The following RNF125 variants were observed in gnomAD, a reference collection of about 807,000 sequenced individuals.
RNF125 encodes ring finger protein 125.
In RNF125, 21 loss-of-function variants were observed where a neutral mutation model predicts 26.0. The observed-to-expected ratio is 0.81, with a 90% confidence interval of 0.57 to 1.16. The LOEUF is 1.16. Ranked by LOEUF, RNF125 falls within the 50% of genes most tolerant of loss-of-function variation. RNF125 has a pLI of 0.00. For missense variants in RNF125, 270 were observed against 299.4 expected, an observed-to-expected ratio of 0.90 and a Z score of 0.72; for synonymous variants, 95 against 109.2, an observed-to-expected ratio of 0.87 and a Z score of 0.81.
intron 4 of RNF125, among the ~76,000 whole-genome samples, chr18:32,050,934 C>G (rs539684928): frequency 5.8e-4 from 65 of 111,424 alleles, no homozygotes; most frequent in South Asian, 3.2e-3. Flanking sequence ...GTTGCCCAGG[C>G]TGAGTCTCGA....
At chr18:32,075,002 C>A (rs1049500375), downstream of RNF125, among the ~76,000 whole-genome samples, 1 of 152,166 alleles carries the variant, frequency 6.6e-6, no homozygotes, top group Non-Finnish European at 1.5e-5. Flanking sequence ...CTGTCCCTTA[C>A]AACAGTATTT....
intron 4 of RNF125, among the ~76,000 whole-genome samples, chr18:32,053,311 G>A (rs1193783569): frequency 6.6e-6 from 1 of 152,024 alleles, no homozygotes. Flanking sequence ...GTAGTGAGCC[G>A]AGATTGTGCC....
chr18:32,074,441 A>G (rs1397703720), downstream of RNF125, among the ~76,000 whole-genome samples: 2 of 152,220 alleles, frequency 1.3e-5, no homozygotes, highest in Non-Finnish European at 2.9e-5. Context: ...CAGGGTAAAG[A>G]CATTAAAAAT....
chr18:32,054,404 T>C (rs1312892813), intron 4 of RNF125, among the ~76,000 whole-genome samples: 1 of 152,212 alleles, frequency 6.6e-6, no homozygotes, highest in Non-Finnish European at 1.5e-5. Context: ...GTACATTTTA[T>C]GTATTCTCAG....
At position 32,069,962 on chromosome 18, in the gene RNF125, G is replaced by A. The variant is rs899263287; in HGVS notation, c.*1578G>A. On this transcript the variant is annotated 3_prime_UTR_variant, in exon 6 of 6. Coordinates refer to ENST00000217740, the MANE Select transcript of RNF125 (RefSeq NM_017831.4). ...GCACATTGAATTTGAGAAGACTTAG[G>A]TTCAGTCCTTTGGCAAGACTGTAAA... 2.0e-5 allele frequency: 3 copies of A among 151,944 alleles called. No individual in the cohort carries two copies. The highest frequency in any genetic ancestry group is 6.6e-5 in the Admixed American group (1 of 15,220). 9.4% of individuals were successfully genotyped at this position (151,944 alleles called of 1,614,324 possible). A position where few individuals can be genotyped will look rare whatever the true frequency, so the allele number is the denominator to read the frequency against.
At chr18:32,053,583 C>T (rs765691110) in intron 4 of RNF125, among the ~76,000 whole-genome samples, 6 of 151,976 alleles carry the variant, frequency 3.9e-5, no homozygotes, top group South Asian at 2.1e-4. Flanking sequence ...GTCAGGAGTT[C>T]GAGACCAGCC....
chr18:32,061,067 C>T (rs931913753), intron 4 of RNF125, among the ~76,000 whole-genome samples: 1 of 152,206 alleles, frequency 6.6e-6, no homozygotes, highest in South Asian at 2.1e-4. Context: ...CTCTGGCGCC[C>T]AGGCTGGAGT....
chr18:32,026,324 C>A (rs1356818229), intron 1 of RNF125, among the ~76,000 whole-genome samples: 1 of 143,488 alleles, frequency 7.0e-6, no homozygotes, highest in East Asian at 2.2e-4. Context: ...TCTGGGCTCA[C>A]TGCAACCTCT....
At chr18:32,085,635 G>T in the RNF125 span, among the ~76,000 whole-genome samples, 1 of 142,648 alleles carries the variant, frequency 7.0e-6, no homozygotes, top group Non-Finnish European at 1.5e-5. Context: ...TGGGGGTGGA[G>T]GTTGCAGTGA....
At chr18:32,087,433 C>A in the RNF125 span, among the ~76,000 whole-genome samples, 1 of 151,594 alleles carries the variant, frequency 6.6e-6, no homozygotes, top group Admixed American at 6.6e-5. Context: ...GGTATGGAAG[C>A]CAGTCTTGGG....
At chr18:32,079,215 A>G in the RNF125 span, among the ~76,000 whole-genome samples, 178 of 152,270 alleles carry the variant, frequency 1.2e-3, no homozygotes, top group Non-Finnish European at 2.1e-3. Context: ...GCGTCCTTAC[A>G]TGGTGGGGAG....
Position 32,031,346 on chromosome 18 carries a change from A to G in RNF125, c.165-5770A>G, listed in dbSNP as rs1598810232. 2.0e-5 allele frequency: 3 copies of G among 152,092 alleles called. No individual in the cohort carries two copies. In the East Asian group the frequency reaches 5.8e-4, roughly 29 times the overall value. 9.4% of individuals were successfully genotyped at this position (152,092 alleles called of 1,614,324 possible). A position where few individuals can be genotyped will look rare whatever the true frequency, so the allele number is the denominator to read the frequency against. On this transcript the variant is annotated intron_variant, in intron 1 of 5. Transcript: ENST00000217740. Reference sequence around the variant, plus strand: ...TGAACCTTAGTTTGCCATCAATAAAATGAGGAGAAAGCACAGTAGCGTTTT... The same window carrying G: ...TGAACCTTAGTTTGCCATCAATAAAGTGAGGAGAAAGCACAGTAGCGTTTT...
At chr18:32,087,651 G>T in the RNF125 span, among the ~76,000 whole-genome samples, 1 of 152,120 alleles carries the variant, frequency 6.6e-6, no homozygotes, top group Admixed American at 6.5e-5. Context: ...ATTGGTTATT[G>T]TGGAGGTTAA....
intron 4 of RNF125, among the ~76,000 whole-genome samples, chr18:32,065,287 G>C (rs2039473710): frequency 6.6e-6 from 1 of 152,142 alleles, no homozygotes; most frequent in Admixed American, 6.5e-5. Context: ...GCCCAGGCTG[G>C]TGTGCAATGG....
chr18:32,037,213 G>T lies in RNF125; in HGVS notation c.262G>T (p.Asp88Tyr). 1 of 1,606,416 alleles carries T rather than the reference G, an allele frequency of 6.2e-7. No individual in the cohort carries two copies. The highest frequency in any genetic ancestry group is 8.5e-7 in the Non-Finnish European group (1 of 1,177,200). The change falls in exon 2 of 6, where the codon GAT becomes TAT. Residue 88 changes from aspartate (D) to tyrosine (Y), a missense_variant. Asp to Tyr is a radical substitution (Grantham distance 160). Coordinates refer to ENST00000217740, the MANE Select transcript of RNF125 (RefSeq NM_017831.4). The stretch of plus-strand genomic sequence containing the variant: ...TCCTTCAGAAGGAGTTCCAGCAACT[G>T]ATGTAGCCAAAAGAATGAAATCAGA... ...YLPSEGVPAT[D>Y]VAKRMKSEYK...
intron 1 of RNF125, among the ~76,000 whole-genome samples, chr18:32,023,525 C>T (rs1202655753): frequency 1.3e-5 from 2 of 152,130 alleles, no homozygotes; most frequent in Non-Finnish European, 2.9e-5. Flanking sequence ...GGGTACCAGG[C>T]CAATCTTTTT....
rs2038955480 is a variant in RNF125, at chr18:32,018,826, C to T, written c.-38C>T. 1.3e-6 allele frequency: 2 copies of T among 1,513,366 alleles called. No individual in the cohort carries two copies. The highest frequency in any genetic ancestry group is 4.5e-5 in the Admixed American group (2 of 44,198). 93.7% of individuals were successfully genotyped at this position (1,513,366 alleles called of 1,614,324 possible). A position where few individuals can be genotyped will look rare whatever the true frequency, so the allele number is the denominator to read the frequency against. On this transcript the variant is annotated 5_prime_UTR_variant, in exon 1 of 6. Transcript: ENST00000217740. ...CAACAAAACAACCCTGCGGCAGGCA[C>T]TGAGTGCTTCGCAGCTGTCTGGGCG...
At chr18:32,081,193 G>GAAAAAAAAAAAAAA in the RNF125 span, among the ~76,000 whole-genome samples, 1 of 104,402 alleles carries the variant, frequency 9.6e-6, no homozygotes, top group African/African-American at 3.8e-5. Context: ...GACTACATCT[G>GAAAAAAAAAAAAAA]AAAAAAAAAA....
At chr18:32,042,411 GT>G (rs2039230068) in intron 3 of RNF125, 138 bp downstream of exon 3, 1 of 614,082 alleles carries the variant, frequency 1.6e-6, no homozygotes, top group Non-Finnish European at 2.7e-6. Context: ...CCTGGTACTG[GT>G]AATCATTTGT....
Sources: gnomAD v4.1 joint callset for allele counts (sites outside exome capture counted in the v4.1 genomes callset) on GRCh38, gnomAD v4.1.1 for gene constraint, MANE v1.5 for transcripts, NCBI Gene and HGNC (gene_info 2026-07-23, HGNC 2026-07-21) for gene names.